MEGF11: variants seen among roughly 807,000 people sequenced by gnomAD.
MEGF11 encodes multiple epidermal growth factor-like domains protein 11.
MEGF11 carries 126 observed loss-of-function variants against 146.6 expected under a neutral mutation model. The ratio of observed to expected loss-of-function variants is 0.86; its 90% CI spans 0.74 to 1.00. The LOEUF is 1.00. MEGF11 is among the 50% of genes least tolerant of loss of function. MEGF11 has a pLI of 0.00. For synonymous variants in MEGF11, 532 were observed against 583.4 expected, an observed-to-expected ratio of 0.91 and a Z score of 1.27; for missense variants, 1,509 against 1,521.2, an observed-to-expected ratio of 0.99 and a Z score of 0.13.
At chr15:65,898,443 G>A in intron 25 of MEGF11, 2 of 969,192 alleles carry the variant, frequency 2.1e-6, no homozygotes, top group Non-Finnish European at 2.5e-6. Flanking sequence ...TCAACAATCT[G>A]TGTGTGTGTG....
intron 7 of MEGF11, among the ~76,000 whole-genome samples, chr15:65,980,238 G>A (rs2081585307): frequency 6.6e-6 from 1 of 152,218 alleles, no homozygotes; most frequent in South Asian, 2.1e-4. Context: ...AGAGACCACA[G>A]GCTCAGAGAG....
At chr15:66,049,485 G>A (rs1319200652) in intron 5 of MEGF11, among the ~76,000 whole-genome samples, 1 of 152,182 alleles carries the variant, frequency 6.6e-6, no homozygotes, top group Non-Finnish European at 1.5e-5. Context: ...TCTATCTGCA[G>A]GCCAAGTGCC....
chr15:66,032,989 G>A (rs2083585132), intron 5 of MEGF11, among the ~76,000 whole-genome samples: 1 of 151,080 alleles, frequency 6.6e-6, no homozygotes, highest in African/African-American at 2.4e-5. Context: ...GCTGAGGCAG[G>A]AGAATGGCGT....
intron 15 of MEGF11, 133 bp from the exon 16 acceptor site, chr15:65,918,227 C>T (rs918687390): frequency 1.4e-5 from 18 of 1,286,798 alleles, no homozygotes; most frequent in African/African-American, 2.9e-5. Flanking sequence ...ATGGAGACCA[C>T]GCCCGCCTTG....
intron 5 of MEGF11, among the ~76,000 whole-genome samples, chr15:66,026,991 T>C (rs2083351003): frequency 1.3e-5 from 2 of 152,202 alleles, no homozygotes; most frequent in Admixed American, 6.5e-5. Context: ...AGGACACATA[T>C]CCCACCTGCA....
At chr15:65,970,531 T>TA in intron 8 of MEGF11, 22 bp downstream of exon 8, 1 of 1,607,320 alleles carries the variant, frequency 6.2e-7, no homozygotes, top group Non-Finnish European at 8.5e-7. Flanking sequence ...ACAGCAAAGA[T>TA]AACAGTTAAC....
chr15:66,084,242 T>C (rs939669484), intron 5 of MEGF11, among the ~76,000 whole-genome samples: 1 of 151,972 alleles, frequency 6.6e-6, no homozygotes, highest in African/African-American at 2.4e-5. Context: ...CCAGAATATA[T>C]AAAGAATGCC....
intron 1 of MEGF11, among the ~76,000 whole-genome samples, chr15:66,163,894 A>G (rs141858571): frequency 6.6e-6 from 1 of 152,300 alleles, no homozygotes; most frequent in Non-Finnish European, 1.5e-5. Flanking sequence ...AGCTTGTGCC[A>G]CCGTTTTAAT....
chr15:66,249,694 C>T (rs1303491109), intron 1 of MEGF11, among the ~76,000 whole-genome samples: 2 of 152,168 alleles, frequency 1.3e-5, no homozygotes. Context: ...CCTTGTTCTA[C>T]CACATTGATT....
At chr15:65,930,466 C>G (rs2079536176) in intron 11 of MEGF11, among the ~76,000 whole-genome samples, 1 of 152,180 alleles carries the variant, frequency 6.6e-6, no homozygotes, top group Admixed American at 6.5e-5. Flanking sequence ...CTCTCCACGT[C>G]CCACCTCTTA....
At chr15:66,024,973 G>A (rs1446458366) in intron 5 of MEGF11, among the ~76,000 whole-genome samples, 4 of 150,958 alleles carry the variant, frequency 2.6e-5, no homozygotes, top group Non-Finnish European at 5.9e-5. Flanking sequence ...GCCCCTCCCT[G>A]GCTTTGAGCC....
rs139592819 is a variant in MEGF11 at position 66,215,344 on chromosome 15, G to A, written c.-9+38261C>T. On this transcript the variant is annotated intron_variant, in intron 1 of 25. Coordinates refer to ENST00000395614, the MANE Select transcript of MEGF11 (RefSeq NM_001385028.1). Reference sequence around the variant, plus strand: ...AACAGAGAATGGAAATGCCCCCAGAGGGACCACCTGAGCCCTGGGAACCTC... The same window carrying A: ...AACAGAGAATGGAAATGCCCCCAGAAGGACCACCTGAGCCCTGGGAACCTC... Among the ~76,000 whole-genome samples, 199 of 152,248 alleles carry A rather than the reference G, an allele frequency of 1.3e-3. 1 individual carries two copies. The highest frequency in any genetic ancestry group is 0.012 in the South Asian group (57 of 4,822).
intron 25 of MEGF11, chr15:65,898,491 CA>C (rs1234023598): frequency 1.0e-6 from 1 of 985,250 alleles, no homozygotes; most frequent in African/African-American, 1.7e-5. Context: ...TTCCCACCCC[CA>C]GTATTTGTTT....
intron 1 of MEGF11, among the ~76,000 whole-genome samples, chr15:66,197,343 T>C (rs11071869): frequency 0.21 from 32,409 of 152,248 alleles, 4,148 homozygotes; most frequent in South Asian, 0.35. Flanking sequence ...GTATGTTCAC[T>C]CTCATCTCCA....
chr15:65,928,318 C>T, intron 13 of MEGF11, 107 bp downstream of exon 13: 1 of 627,524 alleles, frequency 1.6e-6, no homozygotes, highest in South Asian at 2.6e-5. Flanking sequence ...GATGCATACT[C>T]AGGGATCAAG....
At chr15:66,250,082 G>C (rs766431415) in intron 1 of MEGF11, among the ~76,000 whole-genome samples, 2 of 152,304 alleles carry the variant, frequency 1.3e-5, no homozygotes, top group Non-Finnish European at 2.9e-5. Flanking sequence ...GAATTTAAGA[G>C]GGACATGGTT....
chr15:66,043,430 G>A (rs1213546038), intron 5 of MEGF11, among the ~76,000 whole-genome samples: 1 of 152,266 alleles, frequency 6.6e-6, no homozygotes, highest in Non-Finnish European at 1.5e-5. Context: ...TCTGAGGGAT[G>A]TCTGGGCAGA....
intron 8 of MEGF11, among the ~76,000 whole-genome samples, chr15:65,968,323 G>A (rs2081184519): frequency 6.6e-6 from 1 of 152,204 alleles, no homozygotes; most frequent in African/African-American, 2.4e-5. Context: ...ACTGTGCTTT[G>A]CTGGCCTCGA....
intron 10 of MEGF11, among the ~76,000 whole-genome samples, chr15:65,945,004 T>A (rs1379168930): frequency 6.6e-6 from 1 of 151,728 alleles, no homozygotes; most frequent in African/African-American, 2.4e-5. Context: ...GTTCAAGTGA[T>A]TCCCCTGCCT....
Sources: gnomAD v4.1 joint callset for allele counts (sites outside exome capture counted in the v4.1 genomes callset) on GRCh38, gnomAD v4.1.1 for gene constraint, MANE v1.5 for transcripts, NCBI Gene and HGNC (gene_info 2026-07-23, HGNC 2026-07-21) for gene names.